ENTREP2: variants seen among roughly 807,000 people sequenced by gnomAD.
ENTREP2 encodes endosomal transmembrane epsin interactor 2.
the ENTREP2 span, among the ~76,000 whole-genome samples, chr15:29,448,745 T>C: frequency 1.3e-5 from 2 of 152,236 alleles, no homozygotes; most frequent in East Asian, 3.8e-4. Flanking sequence ...ATCACATCGG[T>C]AGAGATGGAA....
the ENTREP2 span, among the ~76,000 whole-genome samples, chr15:29,377,862 T>TAATAATAATA: frequency 2.5e-4 from 25 of 100,976 alleles, no homozygotes; most frequent in Non-Finnish European, 5.1e-4. Flanking sequence ...ATAATAATAA[T>TAATAATAATA]AAAAAAATGA....
chr15:29,247,701 TG>T, the ENTREP2 span, among the ~76,000 whole-genome samples: 6 of 151,824 alleles, frequency 4.0e-5, no homozygotes, highest in East Asian at 1.2e-3. Context: ...CCCCCAACCC[TG>T]CTTAATAGCA....
chr15:29,367,737 T>A, the ENTREP2 span, among the ~76,000 whole-genome samples: 1 of 152,144 alleles, frequency 6.6e-6, no homozygotes, highest in Non-Finnish European at 1.5e-5. Flanking sequence ...GACTGGGAGA[T>A]GTACTGGCTC....
the ENTREP2 span, chr15:29,123,389 G>A: frequency 4.5e-6 from 7 of 1,546,076 alleles, no homozygotes; most frequent in East Asian, 4.9e-5. Flanking sequence ...TCCTCGAGGC[G>A]CTCCTCGTTG....
the ENTREP2 span, among the ~76,000 whole-genome samples, chr15:29,643,431 A>G: frequency 1.3e-5 from 2 of 152,106 alleles, no homozygotes; most frequent in Non-Finnish European, 2.9e-5. Flanking sequence ...ATGAGACGGC[A>G]CTTCACATCC....
At chr15:29,361,282 C>G in the ENTREP2 span, among the ~76,000 whole-genome samples, 14 of 152,182 alleles carry the variant, frequency 9.2e-5, no homozygotes, top group African/African-American at 3.4e-4. Context: ...TCCATCCAAG[C>G]TTTAGCAATT....
At chr15:29,621,863 A>T in the ENTREP2 span, among the ~76,000 whole-genome samples, 3 of 152,332 alleles carry the variant, frequency 2.0e-5, no homozygotes, top group South Asian at 6.2e-4. Context: ...AAGCAAGCCA[A>T]GCATCCATCC....
At chr15:29,152,026 T>C in the ENTREP2 span, among the ~76,000 whole-genome samples, 15 of 152,234 alleles carry the variant, frequency 9.9e-5, no homozygotes, top group African/African-American at 3.1e-4. Context: ...CACATTCGTT[T>C]ATTCCGTTAC....
the ENTREP2 span, among the ~76,000 whole-genome samples, chr15:29,623,788 G>A: frequency 6.6e-6 from 1 of 152,078 alleles, no homozygotes; most frequent in Non-Finnish European, 1.5e-5. Context: ...GGAGGGTAAG[G>A]TATCTCCACC....
chr15:29,523,274 C>T, the ENTREP2 span, among the ~76,000 whole-genome samples: 1 of 152,152 alleles, frequency 6.6e-6, no homozygotes, highest in Non-Finnish European at 1.5e-5. Flanking sequence ...AAAATCAATA[C>T]ACAGAAATCT....
the ENTREP2 span, among the ~76,000 whole-genome samples, chr15:29,462,546 G>A: frequency 6.6e-6 from 1 of 152,084 alleles, no homozygotes; most frequent in African/African-American, 2.4e-5. Flanking sequence ...GGAGGTGGAG[G>A]TTGCAGTGAG....
At chr15:29,343,295 A>C in the ENTREP2 span, among the ~76,000 whole-genome samples, 1 of 152,112 alleles carries the variant, frequency 6.6e-6, no homozygotes, top group Non-Finnish European at 1.5e-5. Context: ...ATCTACAATA[A>C]ATAGACTCAG....
the ENTREP2 span, chr15:29,126,290 G>C: frequency 6.7e-7 from 1 of 1,485,322 alleles, no homozygotes; most frequent in African/African-American, 1.4e-5. Flanking sequence ...TGTGCACAAG[G>C]TGGGGTCGCT....
chr15:29,402,825 T>C, the ENTREP2 span, among the ~76,000 whole-genome samples: 1 of 152,198 alleles, frequency 6.6e-6, no homozygotes, highest in Non-Finnish European at 1.5e-5. Context: ...TTCCCATGGT[T>C]GATACACAAC....
the ENTREP2 span, among the ~76,000 whole-genome samples, chr15:29,295,206 CT>C: frequency 6.6e-6 from 1 of 152,250 alleles, no homozygotes; most frequent in African/African-American, 2.4e-5. Context: ...CCTGCCTGTG[CT>C]CCATCTGAAA....
chr15:29,406,264 C>T, the ENTREP2 span, among the ~76,000 whole-genome samples: 1 of 152,132 alleles, frequency 6.6e-6, no homozygotes. Context: ...TTTTAACAAG[C>T]TTATGAAAAG....
chr15:29,131,653 C>T, the ENTREP2 span, among the ~76,000 whole-genome samples: 4 of 99,392 alleles, frequency 4.0e-5, no homozygotes, highest in East Asian at 1.2e-3. Context: ...TCTACACGCA[C>T]CCCAGCCCAC....
At chr15:29,254,061 C>T in the ENTREP2 span, among the ~76,000 whole-genome samples, 1 of 143,036 alleles carries the variant, frequency 7.0e-6, no homozygotes, top group African/African-American at 2.5e-5. Flanking sequence ...AATAATTAGG[C>T]CAAATCTAAT....
At chr15:29,306,641 G>A in the ENTREP2 span, among the ~76,000 whole-genome samples, 1 of 133,538 alleles carries the variant, frequency 7.5e-6, no homozygotes, top group Non-Finnish European at 1.6e-5. Context: ...GTGTATCTAA[G>A]ATATACTGAA....
Sources: allele counts gnomAD v4.1 joint callset (sites outside exome capture counted in the v4.1 genomes callset), GRCh38; gene constraint gnomAD v4.1.1; transcripts MANE v1.5; gene names NCBI Gene and HGNC (gene_info 2026-07-23, HGNC 2026-07-21).